AVL9: variants seen among roughly 807,000 people sequenced by gnomAD.
AVL9 encodes AVL9 cell migration associated.
Under a neutral mutation model 79.2 loss-of-function variants are expected in AVL9, and 49 were observed. The ratio of observed to expected loss-of-function variants is 0.62; its 90% CI spans 0.49 to 0.79. The LOEUF is 0.79. AVL9 is among the 30% of genes least tolerant of loss of function. AVL9 has a pLI of 0.00. For synonymous variants in AVL9, 299 were observed against 280.6 expected, an observed-to-expected ratio of 1.07 and a Z score of -0.65; for missense variants, 682 against 776.8, an observed-to-expected ratio of 0.88 and a Z score of 1.45.
chr7:32,517,309 C>CA (rs1787946070), intron 1 of AVL9, among the ~76,000 whole-genome samples: 1 of 142,462 alleles, frequency 7.0e-6, no homozygotes, highest in Non-Finnish European at 1.5e-5. Flanking sequence ...TTTTCTTTTT[C>CA]TTTTTTTTTT....
rs1291271697 is a variant in AVL9 at position 32,554,552 on chromosome 7, T to C, written c.571-6T>C. ...TTCAATACAACATTTTTTTTTCCTT[T>C]TGCAGGTCTTAATCCTATTTAAGCT... is the stretch of plus-strand genomic sequence containing the variant. On this transcript the variant is annotated splice_region_variant and splice_polypyrimidine_tract_variant and intron_variant, in intron 7 of 15. Coordinates refer to ENST00000318709, the MANE Select transcript of AVL9 (RefSeq NM_015060.3). 6.5e-7 allele frequency: 1 copy of C among 1,538,670 alleles called. No homozygotes were observed. Among genetic ancestry groups the C allele is most frequent in the East Asian group, 2.3e-5 (1 of 43,274 alleles).
intron 1 of AVL9, among the ~76,000 whole-genome samples, chr7:32,531,284 G>C (rs1788634794): frequency 6.6e-6 from 1 of 151,988 alleles, no homozygotes; most frequent in Non-Finnish European, 1.5e-5. Context: ...TTCTGGGTCT[G>C]CTAATTTAAA....
chr7:32,560,412 TC>T (rs565829787), intron 10 of AVL9, among the ~76,000 whole-genome samples: 182 of 152,246 alleles, frequency 1.2e-3, no homozygotes, highest in African/African-American at 3.9e-3. Flanking sequence ...CACATCTTCT[TC>T]ACTAGGAGCA....
At chr7:32,565,203 C>A (rs748610002) in intron 10 of AVL9, among the ~76,000 whole-genome samples, 3 of 152,128 alleles carry the variant, frequency 2.0e-5, no homozygotes, top group Non-Finnish European at 4.4e-5. Context: ...TTTCTAGTTA[C>A]GAGATTATTG....
At position 32,570,067 on chromosome 7, in the gene AVL9, C is replaced by T. The variant is rs749269025; in HGVS notation, c.1263C>T (p.Leu421=). ...TGGCATTGCAGCAGCATCATCTTCTCTCCGATGTCACCGTTCGGGGGTTTG... is the reference window on the plus strand; with the variant it reads ...TGGCATTGCAGCAGCATCATCTTCTTTCCGATGTCACCGTTCGGGGGTTTG... ...PYMALQQHHL[L]SDVTVRGFVA... is the part of the protein sequence containing the mutation. The change falls in exon 11 of 16, where the codon CTC becomes CTT. Residue 421 remains leucine, a synonymous_variant. Coordinates refer to ENST00000318709, the MANE Select transcript of AVL9 (RefSeq NM_015060.3). 3.1e-6 allele frequency: 5 copies of T among 1,614,208 alleles called. No homozygotes were observed. Among genetic ancestry groups the T allele is most frequent in the Non-Finnish European group, 4.2e-6 (5 of 1,180,032 alleles).
chr7:32,506,636 G>T lies in AVL9; in HGVS notation c.93+10834G>T, dbSNP rs141087364. Among the ~76,000 whole-genome samples the T allele has an allele frequency of 2.1e-3, 326 of 152,212 alleles. 3 individuals carry two copies. Among genetic ancestry groups the T allele is most frequent in the African/African-American group, 7.6e-3 (314 of 41,524 alleles). The stretch of plus-strand genomic sequence containing the variant: ...AGCCATTGAAAATGAAACTGGGCAA[G>T]GTGCAGTGGCTCACACCTGTAATCC... On this transcript the variant is annotated intron_variant, in intron 1 of 15. Coordinates refer to ENST00000318709, the MANE Select transcript of AVL9 (RefSeq NM_015060.3).
rs1399987719 is a variant in AVL9, at chr7:32,551,273, A to G, written c.373-61A>G. 4 of 1,117,606 alleles carry G rather than the reference A, an allele frequency of 3.6e-6. No individual in the cohort carries two copies. In the African/African-American group the frequency reaches 6.3e-5, roughly 18 times the overall value. 69.2% of individuals were successfully genotyped at this position (1,117,606 alleles called of 1,614,324 possible). ...GGTTCTGTTTGTTTTACTATTATCA[A>G]CCAATTTTACTGTTATCAACTAATT... is the stretch of plus-strand genomic sequence containing the variant. On this transcript the variant is annotated intron_variant, in intron 4 of 15. Coordinates refer to ENST00000318709, the MANE Select transcript of AVL9 (RefSeq NM_015060.3).
At chr7:32,539,633 A>G (rs1240501404) in intron 1 of AVL9, among the ~76,000 whole-genome samples, 1 of 152,224 alleles carries the variant, frequency 6.6e-6, no homozygotes, top group Non-Finnish European at 1.5e-5. Context: ...AAAATTTAAC[A>G]GTATTTATTA....
chr7:32,529,688 A>G (rs975240174), intron 1 of AVL9, among the ~76,000 whole-genome samples: 4 of 152,216 alleles, frequency 2.6e-5, no homozygotes, highest in Admixed American at 6.5e-5. Flanking sequence ...CTTCATCTTC[A>G]TATATTTTTA....
chr7:32,550,408 C>G (rs554886233), intron 4 of AVL9, among the ~76,000 whole-genome samples: 90 of 152,136 alleles, frequency 5.9e-4, no homozygotes, highest in Middle Eastern at 6.8e-3. Flanking sequence ...AAAGCAGACA[C>G]AAGGGATGGG....
chr7:32,526,016 GC>G (rs1224238403), intron 1 of AVL9, among the ~76,000 whole-genome samples: 1 of 152,108 alleles, frequency 6.6e-6, no homozygotes, highest in Non-Finnish European at 1.5e-5. Flanking sequence ...AGAGAGTACT[GC>G]TATCAGGTTT....
chr7:32,563,885 G>T (rs1790437982), intron 10 of AVL9, among the ~76,000 whole-genome samples: 1 of 152,166 alleles, frequency 6.6e-6, no homozygotes, highest in African/African-American at 2.4e-5. Context: ...CTGATTTCAT[G>T]ATTAAATCAA....
chr7:32,527,387 T>C (rs763255848), intron 1 of AVL9, among the ~76,000 whole-genome samples: 2 of 152,248 alleles, frequency 1.3e-5, no homozygotes, highest in Non-Finnish European at 2.9e-5. Flanking sequence ...TAGTTCTATA[T>C]GTCTTTTAAA....
At chr7:32,567,735 A>G (rs1475104167) in intron 10 of AVL9, among the ~76,000 whole-genome samples, 1 of 150,506 alleles carries the variant, frequency 6.6e-6, no homozygotes, top group East Asian at 2.0e-4. Context: ...TATTTTTGAG[A>G]CAGAGTTTTG....
intron 15 of AVL9, 32 bp from the exon 16 acceptor site, chr7:32,583,759 AT>A: frequency 7.2e-7 from 1 of 1,391,562 alleles, no homozygotes; most frequent in Non-Finnish European, 1.0e-6. Flanking sequence ...AAGTTAAGAC[AT>A]TTTTCCTTTT....
At chr7:32,505,631 T>A (rs1476286292) in intron 1 of AVL9, among the ~76,000 whole-genome samples, 1 of 152,194 alleles carries the variant, frequency 6.6e-6, no homozygotes, top group Non-Finnish European at 1.5e-5. Flanking sequence ...ATTTAATTAA[T>A]ATGATTTTCT....
chr7:32,567,024 C>CT (rs899201260), intron 10 of AVL9, among the ~76,000 whole-genome samples: 90 of 152,228 alleles, frequency 5.9e-4, no homozygotes, highest in African/African-American at 2.1e-3. Flanking sequence ...ATATCTGGTA[C>CT]TTTTTTAAAA....
intron 13 of AVL9, among the ~76,000 whole-genome samples, chr7:32,579,463 TATA>T (rs1164995827): frequency 0.021 from 82 of 3,858 alleles, 16 homozygotes; most frequent in African/African-American, 0.063. Flanking sequence ...ATATATTATA[TATA>T]ATATATTATA....
intron 1 of AVL9, among the ~76,000 whole-genome samples, chr7:32,502,184 G>A (rs939180227): frequency 1.3e-5 from 2 of 151,814 alleles, no homozygotes; most frequent in African/African-American, 4.8e-5. Flanking sequence ...GGCAACATAG[G>A]GAGACCTCAT....
Sources: gnomAD v4.1 joint callset for allele counts (sites outside exome capture counted in the v4.1 genomes callset) on GRCh38, gnomAD v4.1.1 for gene constraint, MANE v1.5 for transcripts, NCBI Gene and HGNC (gene_info 2026-07-23, HGNC 2026-07-21) for gene names.